Variants in SH3RF3 observed in about 807,000 individuals in gnomAD.
SH3RF3 encodes the protein E3 ubiquitin-protein ligase SH3RF3.
Under a neutral mutation model 66.3 loss-of-function variants are expected in SH3RF3, and 29 were observed. The observed-to-expected ratio is 0.44, with a 90% confidence interval of 0.33 to 0.60. The LOEUF is 0.60. Among genes scored for constraint, SH3RF3 ranks in the 20% least tolerant of loss-of-function variants. The pLI, the probability that SH3RF3 is intolerant of heterozygous loss-of-function variation, is 0.04. For synonymous variants in SH3RF3, 583 were observed against 532.0 expected (o/e 1.10, Z -1.32); for missense variants, 1,194 against 1,190.9 (o/e 1.00, Z -0.04).
intron 8 of SH3RF3, among the ~76,000 whole-genome samples, chr2:109,480,536 T>A (rs1678809465): frequency 6.6e-6 from 1 of 151,996 alleles, no homozygotes; most frequent in African/African-American, 2.4e-5. Flanking sequence ...TGAATTAGTG[T>A]CTCAGGGGGC....
chr2:109,159,088 G>T (rs1227255970), intron 1 of SH3RF3, among the ~76,000 whole-genome samples: 3 of 152,200 alleles, frequency 2.0e-5, no homozygotes, highest in Non-Finnish European at 4.4e-5. Flanking sequence ...CTGCACTCCA[G>T]CCTGGGCGAC....
At chr2:109,308,351 A>C (rs1681649900) in intron 1 of SH3RF3, among the ~76,000 whole-genome samples, 1 of 107,486 alleles carries the variant, frequency 9.3e-6, no homozygotes, top group South Asian at 3.2e-4. Context: ...AGGTTGCGAA[A>C]ATTTTCTCCC....
chr2:109,291,842 T>G (rs891895890), intron 1 of SH3RF3, among the ~76,000 whole-genome samples: 10 of 152,236 alleles, frequency 6.6e-5, no homozygotes, highest in African/African-American at 2.4e-4. Flanking sequence ...ATTTCATGCC[T>G]TCTCAGTCTA....
intron 1 of SH3RF3, among the ~76,000 whole-genome samples, chr2:109,158,364 T>TG (rs1205031555): frequency 6.6e-6 from 1 of 152,232 alleles, no homozygotes; most frequent in Admixed American, 6.5e-5. Context: ...TCTCTCATCC[T>TG]GGGGAGAATC....
At chr2:109,234,600 T>C (rs554990981) in intron 1 of SH3RF3, among the ~76,000 whole-genome samples, 2 of 152,332 alleles carry the variant, frequency 1.3e-5, no homozygotes, top group African/African-American at 2.4e-5. Context: ...TTTAAAACAA[T>C]AAATGTTTGT....
chr2:109,477,262 G>T (rs1678706430), intron 8 of SH3RF3, among the ~76,000 whole-genome samples: 1 of 152,196 alleles, frequency 6.6e-6, no homozygotes, highest in Non-Finnish European at 1.5e-5. Context: ...GGCCCAGAGT[G>T]GGGGAAGTCA....
In SH3RF3 at chr2:109,130,061, C is replaced by T; in HGVS notation, c.521C>T (p.Thr174Ile). 2 of 1,368,340 alleles carry T rather than the reference C, an allele frequency of 1.5e-6. No individual in the cohort carries two copies. The highest frequency in any genetic ancestry group is 3.4e-5 in the South Asian group (2 of 58,776). The allele number at this position is 1,368,340 out of a possible 1,614,324, so 84.8% of individuals were successfully genotyped here. Residue 174 changes from threonine to isoleucine, a missense_variant, in exon 1 of 10, where the codon ACC becomes ATC. Physicochemically the swap from Thr to Ile is moderately conservative, Grantham distance 89. Coordinates refer to ENST00000309415, the MANE Select transcript of SH3RF3 (RefSeq NM_001099289.3). ...PVFLSAAAGS[T>I]AGSLRELATS... ...TTCCTCTCCGCGGCCGCGGGCAGCA[C>T]CGCCGGCAGTCTGCGGGAGCTGGCG...
At chr2:109,481,392 G>A (rs1403756807) in intron 8 of SH3RF3, among the ~76,000 whole-genome samples, 1 of 152,006 alleles carries the variant, frequency 6.6e-6, no homozygotes, top group Non-Finnish European at 1.5e-5. Flanking sequence ...TTCTGGCAGC[G>A]TTCCTGCCCA....
chr2:109,347,876 C>T lies in SH3RF3; in HGVS notation c.776C>T (p.Pro259Leu). The change falls in exon 2 of 10, where the codon CCC becomes CTC. Residue 259 changes from proline (P) to leucine (L), a missense_variant. By Grantham distance (98) the Pro-to-Leu change is moderately conservative. Transcript: ENST00000309415. The stretch of plus-strand genomic sequence containing the variant: ...ATCCAGCCCTTGCCACACGCCCCGC[C>T]CCAGGGAAAAGCACTTTATGATTTC... ...QCIQPLPHAP[P>L]QGKALYDFEM... 1 of 1,613,112 alleles carries T rather than the reference C, an allele frequency of 6.2e-7. No individual in the cohort carries two copies. Among genetic ancestry groups the T allele is most frequent in the Non-Finnish European group, 8.5e-7 (1 of 1,179,554 alleles).
chr2:109,168,956 C>T (rs1475864868), intron 1 of SH3RF3, among the ~76,000 whole-genome samples: 1 of 152,176 alleles, frequency 6.6e-6, no homozygotes, highest in Non-Finnish European at 1.5e-5. Context: ...GGGCTCAGTA[C>T]ACATTGAGCT....
At chr2:109,217,224 A>G (rs1048549704) in intron 1 of SH3RF3, among the ~76,000 whole-genome samples, 11 of 152,200 alleles carry the variant, frequency 7.2e-5, no homozygotes, top group African/African-American at 2.7e-4. Flanking sequence ...TCTGGGAGCA[A>G]TCACTCTTTT....
At chr2:109,401,683 C>T (rs752507496) in intron 4 of SH3RF3, among the ~76,000 whole-genome samples, 5 of 152,200 alleles carry the variant, frequency 3.3e-5, no homozygotes, top group Non-Finnish European at 7.3e-5. Context: ...TCCCACAGGC[C>T]CCTGAGATGT....
chr2:109,452,662 A>G (rs1406788204), intron 8 of SH3RF3, among the ~76,000 whole-genome samples: 2 of 152,190 alleles, frequency 1.3e-5, no homozygotes, highest in Non-Finnish European at 1.5e-5. Context: ...CCCCAAAACC[A>G]GCTCTGTGTT....
At chr2:109,430,318 G>A (rs1158471897) in intron 5 of SH3RF3, among the ~76,000 whole-genome samples, 1 of 152,230 alleles carries the variant, frequency 6.6e-6, no homozygotes, top group Non-Finnish European at 1.5e-5. Context: ...ATTTCTCTGA[G>A]AGCAGGCACA....
At chr2:109,203,397 C>T (rs190850480) in intron 1 of SH3RF3, among the ~76,000 whole-genome samples, 18 of 152,282 alleles carry the variant, frequency 1.2e-4, no homozygotes, top group Admixed American at 3.3e-4. Context: ...AGGGTGTTTC[C>T]GCGTCCCTAC....
chr2:109,253,485 GT>G (rs1680146391), intron 1 of SH3RF3, among the ~76,000 whole-genome samples: 1 of 152,146 alleles, frequency 6.6e-6, no homozygotes, highest in Non-Finnish European at 1.5e-5. Flanking sequence ...CAGCTCTCAT[GT>G]TTCCCAGGCT....
At chr2:109,487,395 C>T (rs768687775) in intron 8 of SH3RF3, among the ~76,000 whole-genome samples, 7 of 152,116 alleles carry the variant, frequency 4.6e-5, no homozygotes, top group Non-Finnish European at 7.3e-5. Context: ...GTGAGCATGA[C>T]GATTGTTAGT....
At chr2:109,474,078 T>A (rs1280973551) in intron 8 of SH3RF3, among the ~76,000 whole-genome samples, 1 of 152,140 alleles carries the variant, frequency 6.6e-6, no homozygotes, top group Non-Finnish European at 1.5e-5. Flanking sequence ...GGTTCGTGGC[T>A]TCCATTTGAT....
intron 1 of SH3RF3, among the ~76,000 whole-genome samples, chr2:109,278,803 G>A (rs1574546675): frequency 6.6e-6 from 1 of 152,194 alleles, no homozygotes; most frequent in East Asian, 1.9e-4. Context: ...TATCTTGTTT[G>A]TGGGTATTGC....
Sources: allele counts gnomAD v4.1 joint callset (sites outside exome capture counted in the v4.1 genomes callset), GRCh38; gene constraint gnomAD v4.1.1; transcripts MANE v1.5; gene names NCBI Gene and HGNC (gene_info 2026-07-23, HGNC 2026-07-21).